The following EIF3E variants were observed in gnomAD, a reference collection of about 807,000 sequenced individuals.
EIF3E encodes eukaryotic translation initiation factor 3 subunit E, also known as eIF-3 p48.
A neutral mutation model predicts 59.3 loss-of-function variants in EIF3E; 25 were observed. The ratio of observed to expected loss-of-function variants is 0.42; its 90% CI spans 0.31 to 0.59. EIF3E has a LOEUF of 0.59. EIF3E is among the 20% of genes least tolerant of loss of function. EIF3E has a pLI of 0.15. For synonymous variants in EIF3E, 176 were observed against 170.2 expected (o/e 1.03, Z -0.26); for missense variants, 317 against 534.3 (o/e 0.59, Z 4.01).
intron 9 of EIF3E, among the ~76,000 whole-genome samples, chr8:108,215,899 G>A (rs891356118): frequency 2.6e-5 from 4 of 152,036 alleles, no homozygotes; most frequent in Non-Finnish European, 4.4e-5. Context: ...TAAACAATAA[G>A]AGACACCGCC....
chr8:108,242,613 A>G (rs579162), intron 1 of EIF3E: 668,833 of 1,159,130 alleles, frequency 0.58, 193,934 homozygotes, highest in African/African-American at 0.68. Flanking sequence ...TTCACTGCCC[A>G]CAAAAAATAA....
intron 7 of EIF3E, chr8:108,227,190 G>T (rs1815531423): frequency 6.6e-6 from 1 of 152,198 alleles, no homozygotes. Flanking sequence ...CAGGCATGGT[G>T]GCATGTGCCT....
intron 10 of EIF3E, among the ~76,000 whole-genome samples, chr8:108,204,985 T>C (rs1175616246): frequency 2.0e-5 from 3 of 152,072 alleles, no homozygotes; most frequent in Non-Finnish European, 4.4e-5. Flanking sequence ...AGTAAATAGG[T>C]TAAGTCAGTT....
chr8:108,238,033 C>G (rs1333965336), intron 3 of EIF3E, among the ~76,000 whole-genome samples: 5 of 152,196 alleles, frequency 3.3e-5, no homozygotes, highest in Non-Finnish European at 5.9e-5. Context: ...CTGGTGAACA[C>G]ATGTACATTC....
intron 1 of EIF3E, among the ~76,000 whole-genome samples, chr8:108,244,148 T>TA (rs1186349479): frequency 6.6e-6 from 1 of 152,174 alleles, no homozygotes; most frequent in East Asian, 1.9e-4. Context: ...ACAGAAATAA[T>TA]AACAGTAAAA....
chr8:108,214,588 C>CAAATCACGGTGTTCTTACT lies in EIF3E; in HGVS notation c.1061_1061+18dup, dbSNP rs1815268499. The CAAATCACGGTGTTCTTACT allele has an allele frequency of 6.5e-7, 1 of 1,529,086 alleles. No individual in the cohort carries two copies. Among genetic ancestry groups the CAAATCACGGTGTTCTTACT allele is most frequent in the African/African-American group, 1.4e-5 (1 of 71,254 alleles). The allele number at this position is 1,529,086 out of a possible 1,614,324, so 94.7% of individuals were successfully genotyped here. On this transcript the variant is annotated intron_variant, in intron 10 of 12. Coordinates refer to ENST00000220849, the MANE Select transcript of EIF3E (RefSeq NM_001568.3). ...GAATTTTAAAGTAGAAAATCCAAAT[C>CAAATCACGGTGTTCTTACT]AAATCACGGTGTTCTTACTTAATGC...
intron 8 of EIF3E, among the ~76,000 whole-genome samples, chr8:108,216,800 T>C (rs1355459546): frequency 6.6e-6 from 1 of 152,160 alleles, no homozygotes; most frequent in East Asian, 1.9e-4. Flanking sequence ...AGTAATAAAC[T>C]TCCCCAATCA....
chr8:108,211,302 G>A (rs1341984606), intron 10 of EIF3E, among the ~76,000 whole-genome samples: 1 of 152,118 alleles, frequency 6.6e-6, no homozygotes, highest in African/African-American at 2.4e-5. Context: ...ACTGGTGTGA[G>A]ATGGTATCTC....
chr8:108,211,224 G>C (rs1425333451), intron 10 of EIF3E, among the ~76,000 whole-genome samples: 1 of 152,116 alleles, frequency 6.6e-6, no homozygotes, highest in Non-Finnish European at 1.5e-5. Context: ...CAGTGTAAAA[G>C]TGTTCCTATT....
intron 10 of EIF3E, among the ~76,000 whole-genome samples, chr8:108,204,731 G>GTATATATATATATATATATATATA (rs148053969): frequency 1.0e-4 from 9 of 86,758 alleles, no homozygotes; most frequent in Admixed American, 2.3e-4. Flanking sequence ...TAGTATGTAT[G>GTATATATATATATATATATATATA]TATATATATA....
chr8:108,241,956 C>A, intron 1 of EIF3E, 43 bp from the exon 2 acceptor site: 1 of 1,345,530 alleles, frequency 7.4e-7, no homozygotes. Flanking sequence ...TTTAAGTTCC[C>A]CAAATAAACT....
At chr8:108,224,764 T>C (rs977367939) in intron 7 of EIF3E, among the ~76,000 whole-genome samples, 3 of 151,494 alleles carry the variant, frequency 2.0e-5, no homozygotes, top group African/African-American at 7.4e-5. Flanking sequence ...GATGGTTATA[T>C]CACTCAGTTA....
intron 12 of EIF3E, among the ~76,000 whole-genome samples, chr8:108,202,577 C>G (rs1284926033): frequency 6.6e-6 from 1 of 151,958 alleles, no homozygotes; most frequent in Admixed American, 6.6e-5. Flanking sequence ...AGCACTAATA[C>G]ATATAATAAG....
Position 108,234,980 on chromosome 8 carries a change from A to AAAC in EIF3E, c.471+17_471+18insGTT. 1 of 1,119,866 alleles carries AAAC rather than the reference A, an allele frequency of 8.9e-7. No homozygotes were observed. Among genetic ancestry groups the AAAC allele is most frequent in the Non-Finnish European group, 1.3e-6 (1 of 791,816 alleles). 69.4% of individuals were successfully genotyped at this position (1,119,866 alleles called of 1,614,324 possible). ...AAAGACAAAAAAAAAAAAAAAAAAAACATGTACTTATACTTACCAGCACTC... is the reference window on the plus strand; with the variant it reads ...AAAGACAAAAAAAAAAAAAAAAAAAAAACCATGTACTTATACTTACCAGCACTC... On this transcript the variant is annotated intron_variant, in intron 5 of 12. Coordinates refer to ENST00000220849, the MANE Select transcript of EIF3E (RefSeq NM_001568.3).
At chr8:108,208,985 T>C (rs572700949) in intron 10 of EIF3E, among the ~76,000 whole-genome samples, 5 of 152,276 alleles carry the variant, frequency 3.3e-5, no homozygotes, top group African/African-American at 9.6e-5. Context: ...AATAAGGTTG[T>C]ATAAAAACAT....
chr8:108,220,134 A>T (rs909099904), intron 7 of EIF3E, among the ~76,000 whole-genome samples: 2 of 145,318 alleles, frequency 1.4e-5, no homozygotes, highest in African/African-American at 2.5e-5. Flanking sequence ...ACGGAGCAAG[A>T]CTCCATCTCC....
chr8:108,236,288 C>T (rs1475733039), intron 3 of EIF3E, 85 bp from the exon 4 acceptor site: 9 of 961,992 alleles, frequency 9.4e-6, no homozygotes, highest in East Asian at 5.3e-5. Context: ...TTATTACCTA[C>T]GCAAAGTCAC....
intron 5 of EIF3E, among the ~76,000 whole-genome samples, chr8:108,231,097 C>A (rs185425890): frequency 2.6e-5 from 4 of 152,140 alleles, no homozygotes; most frequent in Non-Finnish European, 5.9e-5. Context: ...TGTAGCCACA[C>A]AAGTACACAA....
intron 2 of EIF3E, 124 bp downstream of exon 2, chr8:108,241,675 A>G (rs1265945113): frequency 5.9e-6 from 3 of 506,470 alleles, no homozygotes; most frequent in Non-Finnish European, 1.0e-5. Flanking sequence ...CCTCTCACCC[A>G]AAGAACATTA....
Sources: gnomAD v4.1 joint callset for allele counts (sites outside exome capture counted in the v4.1 genomes callset) on GRCh38, gnomAD v4.1.1 for gene constraint, MANE v1.5 for transcripts, NCBI Gene and HGNC (gene_info 2026-07-23, HGNC 2026-07-21) for gene names.